NR2F1-AS1: variants seen among roughly 807,000 people sequenced by gnomAD.
The protein encoded by NR2F1-AS1 is NR2F1 regulatory antisense RNA 1.
chr5:93,563,158 C>G (rs552897457), intron 2 of NR2F1-AS1, among the ~76,000 whole-genome samples: 2 of 152,288 alleles, frequency 1.3e-5, no homozygotes, highest in South Asian at 4.1e-4. Flanking sequence ...CCCTATAATT[C>G]TGGGATTATA....
At chr5:93,450,401 C>T (rs1749801299) in intron 4 of NR2F1-AS1, among the ~76,000 whole-genome samples, 1 of 152,160 alleles carries the variant, frequency 6.6e-6, no homozygotes, top group Non-Finnish European at 1.5e-5. Context: ...TTTTGAAACA[C>T]TCTTATTTTG....
At chr5:93,451,641 G>C (rs1041758972) in intron 4 of NR2F1-AS1, among the ~76,000 whole-genome samples, 2 of 152,118 alleles carry the variant, frequency 1.3e-5, no homozygotes, top group Non-Finnish European at 2.9e-5. Context: ...GAGGTCAAGT[G>C]ATCTGTCCAC....
At position 93,490,045 on chromosome 5, in the gene NR2F1-AS1, C is replaced by G. The variant is rs951247115; in HGVS notation, n.638+63716G>C. Among the ~76,000 whole-genome samples the G allele has an allele frequency of 5.5e-4, 84 of 152,166 alleles. 2 individuals carry two copies. The highest frequency in any genetic ancestry group is 6.2e-4 in the South Asian group (3 of 4,830). ...ATTGGATTTCCAGAACTGGCCCTTC[C>G]ACCACTCCCTTCAGATCCAGATTGA... On this transcript the variant is annotated intron_variant and non_coding_transcript_variant, in intron 4 of 5. Coordinates refer to ENST00000660523, the Ensembl canonical transcript of NR2F1-AS1.
intron 4 of NR2F1-AS1, among the ~76,000 whole-genome samples, chr5:93,431,232 C>G (rs1471117090): frequency 1.3e-5 from 2 of 151,574 alleles, no homozygotes; most frequent in Non-Finnish European, 2.9e-5. Flanking sequence ...TTTCCAGATG[C>G]ATAATGTGTA....
chr5:93,456,849 G>A (rs1749959374), intron 4 of NR2F1-AS1, among the ~76,000 whole-genome samples: 1 of 151,678 alleles, frequency 6.6e-6, no homozygotes. Context: ...GTGGGGAGAG[G>A]GTCAGCAGGA....
intron 4 of NR2F1-AS1, among the ~76,000 whole-genome samples, chr5:93,533,115 C>A (rs1044295957): frequency 2.6e-5 from 4 of 152,134 alleles, no homozygotes; most frequent in African/African-American, 7.2e-5. Context: ...TTGATTAAAT[C>A]CATTATCTCC....
At chr5:93,471,958 AC>A (rs1163111949) in intron 4 of NR2F1-AS1, among the ~76,000 whole-genome samples, 1 of 151,842 alleles carries the variant, frequency 6.6e-6, no homozygotes, top group Non-Finnish European at 1.5e-5. Flanking sequence ...AAGGTATAGA[AC>A]CAATATTCAT....
At chr5:93,503,335 T>C (rs758045995) in intron 4 of NR2F1-AS1, among the ~76,000 whole-genome samples, 9 of 152,146 alleles carry the variant, frequency 5.9e-5, no homozygotes, top group Non-Finnish European at 1.2e-4. Flanking sequence ...AGTAATAGCA[T>C]TGGTATTGTT....
At chr5:93,581,965 C>T (rs1753098584), upstream of NR2F1-AS1, among the ~76,000 whole-genome samples, 1 of 116,642 alleles carries the variant, frequency 8.6e-6, no homozygotes, top group East Asian at 2.4e-4. Flanking sequence ...CTCTGGGTCT[C>T]TCTCTCTCTC....
Position 93,496,033 on chromosome 5 carries a change from T to C in NR2F1-AS1, n.638+57728A>G, listed in dbSNP as rs1750953454. 3 of 152,164 alleles carry C rather than the reference T, an allele frequency of 2.0e-5. No homozygotes were observed. In the South Asian group the frequency reaches 6.2e-4, roughly 32 times the overall value. 9.4% of individuals were successfully genotyped at this position (152,164 alleles called of 1,614,324 possible). On this transcript the variant is annotated intron_variant and non_coding_transcript_variant, in intron 4 of 5. Transcript: ENST00000660523. ...AAAACTCAATACCACTATGATGTAATATTAGAAGGAAAAAATGAATTACCT... is the reference window on the plus strand; with the variant it reads ...AAAACTCAATACCACTATGATGTAACATTAGAAGGAAAAAATGAATTACCT...
chr5:93,424,632 GCTT>G (rs2149843919), intron 4 of NR2F1-AS1, among the ~76,000 whole-genome samples: 1 of 152,142 alleles, frequency 6.6e-6, no homozygotes, highest in African/African-American at 2.4e-5. Context: ...TTCTCCACAT[GCTT>G]CTGATTCCTA....
At chr5:93,567,111 CAA>C (rs1304091656) in intron 1 of NR2F1-AS1, among the ~76,000 whole-genome samples, 1 of 151,960 alleles carries the variant, frequency 6.6e-6, no homozygotes, top group Non-Finnish European at 1.5e-5. Flanking sequence ...ATTCTTTGGG[CAA>C]AAGAGTCCTA....
At chr5:93,570,542 G>A (rs1231373517) in intron 1 of NR2F1-AS1, 1 of 152,286 alleles carries the variant, frequency 6.6e-6, no homozygotes, top group Non-Finnish European at 1.5e-5. Context: ...GCCGACCCGA[G>A]GGGGCGCCAA....
intron 4 of NR2F1-AS1, among the ~76,000 whole-genome samples, chr5:93,448,060 G>T (rs892550780): frequency 6.6e-6 from 1 of 152,088 alleles, no homozygotes; most frequent in African/African-American, 2.4e-5. Flanking sequence ...GGGGTGGAGG[G>T]AAGGGGGAGG....
At chr5:93,422,573 TC>T (rs1749111762) in intron 4 of NR2F1-AS1, 1 of 152,246 alleles carries the variant, frequency 6.6e-6, no homozygotes, top group Non-Finnish European at 1.5e-5. Flanking sequence ...GCTTTCCTTT[TC>T]CTTTTATTTT....
chr5:93,567,368 T>A lies in NR2F1-AS1; in HGVS notation n.314-3905A>T, dbSNP rs193052765. Among the ~76,000 whole-genome samples, 374 of 152,288 alleles carry A rather than the reference T, an allele frequency of 2.5e-3. 2 individuals are homozygous for A. The highest frequency in any genetic ancestry group is 7.5e-3 in the African/African-American group (313 of 41,576). ...AAGGAAATTTTCAATTACAAATATT[T>A]GTAAAGCAAATGAAGTAGCCTATTG... is the stretch of plus-strand genomic sequence containing the variant. On this transcript the variant is annotated intron_variant and non_coding_transcript_variant, in intron 1 of 5. Coordinates refer to ENST00000660523, the Ensembl canonical transcript of NR2F1-AS1.
intron 4 of NR2F1-AS1, among the ~76,000 whole-genome samples, chr5:93,529,017 G>A (rs1013178898): frequency 1.3e-5 from 2 of 151,982 alleles, no homozygotes; most frequent in Admixed American, 6.6e-5. Context: ...TGCACGTTCT[G>A]CACATATATC....
chr5:93,437,181 A>C (rs1749450380), intron 4 of NR2F1-AS1, among the ~76,000 whole-genome samples: 1 of 152,130 alleles, frequency 6.6e-6, no homozygotes, highest in Non-Finnish European at 1.5e-5. Flanking sequence ...CTAGAATTGC[A>C]CTGTCCAAAA....
chr5:93,545,416 G>A (rs1481618236), intron 4 of NR2F1-AS1, among the ~76,000 whole-genome samples: 3 of 152,308 alleles, frequency 2.0e-5, no homozygotes, highest in East Asian at 1.9e-4. Flanking sequence ...TATTTGACAA[G>A]CATTAAGTAT....
Sources: gnomAD v4.1 joint callset for allele counts (sites outside exome capture counted in the v4.1 genomes callset) on GRCh38, gnomAD v4.1.1 for gene constraint, MANE v1.5 for transcripts, NCBI Gene and HGNC (gene_info 2026-07-23, HGNC 2026-07-21) for gene names.